MBOAT2: variants seen among roughly 807,000 people sequenced by gnomAD.
MBOAT2 encodes the protein membrane bound glycerophospholipid O-acyltransferase 2.
In MBOAT2, 28 loss-of-function variants were observed where a neutral mutation model predicts 63.4. The ratio of observed to expected loss-of-function variants is 0.44; its 90% confidence interval spans 0.33 to 0.61. The LOEUF is 0.61. Ranked by LOEUF, MBOAT2 falls within the 20% of genes least tolerant of loss-of-function variation. The pLI is 0.03. For synonymous variants in MBOAT2, 211 were observed against 215.6 expected, an observed-to-expected ratio of 0.98 and a Z score of 0.19; for missense variants, 470 against 605.8, an observed-to-expected ratio of 0.78 and a Z score of 2.35.
At chr2:8,942,434 T>TATTCCCAAA (rs1226118255) in intron 3 of MBOAT2, among the ~76,000 whole-genome samples, 1 of 152,210 alleles carries the variant, frequency 6.6e-6, no homozygotes, top group Non-Finnish European at 1.5e-5. Context: ...TATCCATCTG[T>TATTCCCAAA]ATTCCCAAAT....
intron 4 of MBOAT2, among the ~76,000 whole-genome samples, chr2:8,897,510 T>C (rs543539479): frequency 1.1e-4 from 17 of 152,374 alleles, no homozygotes; most frequent in East Asian, 3.9e-4. Context: ...ATAAGCATAC[T>C]TGCTATCTGT....
intron 3 of MBOAT2, among the ~76,000 whole-genome samples, chr2:8,936,505 T>C (rs751776614): frequency 1.6e-4 from 24 of 152,064 alleles, no homozygotes; most frequent in Non-Finnish European, 3.1e-4. Flanking sequence ...AGGTCATTTA[T>C]CTTGTTGAAA....
chr2:8,902,863 A>G (rs1665060625), intron 4 of MBOAT2, among the ~76,000 whole-genome samples: 1 of 152,164 alleles, frequency 6.6e-6, no homozygotes, highest in South Asian at 2.1e-4. Flanking sequence ...AGGGGACACA[A>G]GTGGGTTGCT....
intron 2 of MBOAT2, among the ~76,000 whole-genome samples, chr2:8,944,253 T>A (rs1210880920): frequency 6.6e-6 from 1 of 152,204 alleles, no homozygotes; most frequent in Non-Finnish European, 1.5e-5. Context: ...AGGCAAAACA[T>A]GATTAGGATG....
At chr2:8,865,517 C>T (rs1661808720) in intron 9 of MBOAT2, among the ~76,000 whole-genome samples, 4 of 152,160 alleles carry the variant, frequency 2.6e-5, no homozygotes. Flanking sequence ...TCTCCTTCAA[C>T]TGTAGGAGAA....
At chr2:8,995,883 G>A (rs906912358) in intron 1 of MBOAT2, among the ~76,000 whole-genome samples, 4 of 152,288 alleles carry the variant, frequency 2.6e-5, no homozygotes, top group Admixed American at 6.5e-5. Context: ...GAGCCATCGC[G>A]CCCGGCCTAC....
chr2:8,901,236 T>A (rs928594815), intron 4 of MBOAT2, among the ~76,000 whole-genome samples: 1 of 152,016 alleles, frequency 6.6e-6, no homozygotes, highest in Non-Finnish European at 1.5e-5. Context: ...CCTGCAACAG[T>A]CCCTGGACCC....
intron 3 of MBOAT2, among the ~76,000 whole-genome samples, chr2:8,922,338 C>T (rs1476931086): frequency 6.6e-6 from 1 of 152,088 alleles, no homozygotes; most frequent in Admixed American, 6.6e-5. Flanking sequence ...CATGTGGGTC[C>T]GTTTAGAGGC....
At chr2:8,967,213 G>A (rs532669350) in intron 1 of MBOAT2, among the ~76,000 whole-genome samples, 39 of 152,266 alleles carry the variant, frequency 2.6e-4, no homozygotes, top group African/African-American at 8.4e-4. Context: ...GGGAGAGAAC[G>A]GGTTATAATA....
At chr2:8,982,280 T>C (rs539387732) in intron 1 of MBOAT2, among the ~76,000 whole-genome samples, 2 of 152,320 alleles carry the variant, frequency 1.3e-5, no homozygotes, top group South Asian at 2.1e-4. Flanking sequence ...AGGTAAGACC[T>C]GGAGAAAGCT....
intron 12 of MBOAT2, 90 bp downstream of exon 12, chr2:8,860,523 G>T: frequency 7.8e-7 from 1 of 1,276,666 alleles, no homozygotes; most frequent in Non-Finnish European, 1.1e-6. Context: ...TGTGGCTATG[G>T]TACTGTTTTT....
chr2:8,985,996 C>A (rs1277898157), intron 1 of MBOAT2, among the ~76,000 whole-genome samples: 1 of 152,086 alleles, frequency 6.6e-6, no homozygotes. Context: ...CAGACACTGC[C>A]TCAGCCAGGT....
At chr2:8,959,177 A>G (rs1024752192) in intron 1 of MBOAT2, among the ~76,000 whole-genome samples, 2 of 152,184 alleles carry the variant, frequency 1.3e-5, no homozygotes, top group Non-Finnish European at 2.9e-5. Flanking sequence ...CGGCCTAAAC[A>G]TCACCACTGT....
chr2:8,893,585 T>C (rs1317447278), intron 4 of MBOAT2, among the ~76,000 whole-genome samples: 1 of 152,190 alleles, frequency 6.6e-6, no homozygotes, highest in Admixed American at 6.5e-5. Flanking sequence ...CTGCCAGAAC[T>C]GCTAAGAAGC....
intron 3 of MBOAT2, among the ~76,000 whole-genome samples, chr2:8,941,104 G>A (rs995235943): frequency 6.6e-6 from 1 of 151,974 alleles, no homozygotes; most frequent in Non-Finnish European, 1.5e-5. Flanking sequence ...GAAAAAAAGT[G>A]AAAAAGTAAA....
intron 3 of MBOAT2, among the ~76,000 whole-genome samples, chr2:8,930,349 C>T (rs930537119): frequency 6.6e-6 from 1 of 152,064 alleles, no homozygotes; most frequent in East Asian, 1.9e-4. Context: ...TTTGTCCTTG[C>T]GATAGTTTGC....
chr2:8,930,122 T>C (rs184255269), intron 3 of MBOAT2, among the ~76,000 whole-genome samples: 3 of 152,344 alleles, frequency 2.0e-5, no homozygotes, highest in African/African-American at 7.2e-5. Flanking sequence ...TCCTTTGCCA[T>C]GCCGCTGCAA....
At chr2:8,994,267 T>C (rs1452277458) in intron 1 of MBOAT2, among the ~76,000 whole-genome samples, 1 of 152,110 alleles carries the variant, frequency 6.6e-6, no homozygotes, top group East Asian at 1.9e-4. Context: ...CTCCAGGTGT[T>C]ATCAGAGTAG....
chr2:8,941,949 T>C (rs187778996), intron 3 of MBOAT2, among the ~76,000 whole-genome samples: 5 of 152,232 alleles, frequency 3.3e-5, no homozygotes, highest in Admixed American at 2.0e-4. Context: ...CTAAACCTGA[T>C]TAATATCTTT....
Sources: allele counts gnomAD v4.1 joint callset (sites outside exome capture counted in the v4.1 genomes callset), GRCh38; gene constraint gnomAD v4.1.1; transcripts MANE v1.5; gene names NCBI Gene and HGNC (gene_info 2026-07-23, HGNC 2026-07-21).